MAMDC2: variants seen among roughly 807,000 people sequenced by gnomAD.
The protein encoded by MAMDC2 is MAM domain containing 2, also known as MAM domain-containing protein 2.
A neutral mutation model predicts 89.8 loss-of-function variants in MAMDC2; 57 were observed. The observed-to-expected ratio is 0.63, with a 90% confidence interval of 0.51 to 0.79. MAMDC2 has a LOEUF of 0.79. MAMDC2 is among the 30% of genes least tolerant of loss of function. The pLI is 0.00. For synonymous variants in MAMDC2, 313 were observed against 293.4 expected (o/e 1.07, Z -0.68); for missense variants, 800 against 820.6 (o/e 0.97, Z 0.31).
chr9:70,060,600 T>TA (rs1827127120), intron 2 of MAMDC2: 1 of 152,186 alleles, frequency 6.6e-6, no homozygotes, highest in African/African-American at 2.4e-5. Flanking sequence ...TTGACAAATC[T>TA]AGAAAGCAAT....
intron 8 of MAMDC2, among the ~76,000 whole-genome samples, chr9:70,143,281 T>G (rs1359948178): frequency 1.3e-5 from 2 of 152,228 alleles, no homozygotes; most frequent in African/African-American, 4.8e-5. Flanking sequence ...TCATGAAAAG[T>G]GTAAATCCTA....
intron 2 of MAMDC2, among the ~76,000 whole-genome samples, chr9:70,059,566 T>C (rs2118022866): frequency 6.6e-6 from 1 of 152,284 alleles, no homozygotes; most frequent in Non-Finnish European, 1.5e-5. Context: ...TCTTTCCTCA[T>C]TCATTCAGGT....
chr9:70,143,879 G>A, intron 9 of MAMDC2, 60 bp downstream of exon 9: 2 of 1,577,234 alleles, frequency 1.3e-6, no homozygotes, highest in South Asian at 2.3e-5. Context: ...TTTTGTGAAT[G>A]TCCGTCTAGC....
intron 12 of MAMDC2, among the ~76,000 whole-genome samples, chr9:70,224,958 CTTTT>C (rs2033620669): frequency 6.6e-6 from 1 of 151,926 alleles, no homozygotes; most frequent in African/African-American, 2.4e-5. Context: ...TAAGGTCTTT[CTTTT>C]TTATTTAAAT....
chr9:70,125,765 T>G (rs2030505876), intron 5 of MAMDC2, among the ~76,000 whole-genome samples: 1 of 152,246 alleles, frequency 6.6e-6, no homozygotes, highest in African/African-American at 2.4e-5. Context: ...TTCAGAGTCT[T>G]ATGACTCAAA....
At chr9:70,090,746 C>T (rs936735061) in intron 2 of MAMDC2, 1 of 152,088 alleles carries the variant, frequency 6.6e-6, no homozygotes, top group African/African-American at 2.4e-5. Context: ...AGTTCCCTTT[C>T]GAGGGTCTTC....
At chr9:70,082,119 G>A (rs550164858) in intron 2 of MAMDC2, 1 of 152,278 alleles carries the variant, frequency 6.6e-6, no homozygotes, top group East Asian at 1.9e-4. Context: ...ATGCATACAG[G>A]AATTTCCATC....
chr9:70,066,240 G>A (rs57995086), intron 2 of MAMDC2, among the ~76,000 whole-genome samples: 4 of 152,220 alleles, frequency 2.6e-5, no homozygotes, highest in Non-Finnish European at 4.4e-5. Context: ...CCAGGCAGAG[G>A]GGAAAGCAAG....
intron 9 of MAMDC2, among the ~76,000 whole-genome samples, chr9:70,146,784 A>T (rs2031417848): frequency 6.6e-6 from 1 of 151,014 alleles, no homozygotes; most frequent in South Asian, 2.1e-4. Context: ...AAAATACAAA[A>T]ATTAGCCAGG....
chr9:70,059,112 C>T (rs1827089288), intron 2 of MAMDC2, among the ~76,000 whole-genome samples: 1 of 152,116 alleles, frequency 6.6e-6, no homozygotes, highest in Non-Finnish European at 1.5e-5. Context: ...TATTTGCCTG[C>T]TTGGGTTTTG....
intron 2 of MAMDC2, among the ~76,000 whole-genome samples, chr9:70,054,273 A>G (rs899502200): frequency 6.6e-6 from 1 of 152,204 alleles, no homozygotes; most frequent in Non-Finnish European, 1.5e-5. Context: ...TAAAGTAATA[A>G]CAGCAGGAGG....
chr9:70,096,348 C>G (rs1927111), intron 2 of MAMDC2, among the ~76,000 whole-genome samples: 1 of 152,056 alleles, frequency 6.6e-6, no homozygotes, highest in African/African-American at 2.4e-5. Context: ...TAAGAAAGGC[C>G]CAGGCTAACT....
intron 10 of MAMDC2, 66 bp downstream of exon 10, chr9:70,168,861 G>A: frequency 7.7e-7 from 1 of 1,294,476 alleles, no homozygotes; most frequent in Non-Finnish European, 1.1e-6. Context: ...GTATCGCTGA[G>A]AATCACATAC....
intron 4 of MAMDC2, among the ~76,000 whole-genome samples, chr9:70,110,319 T>C (rs575453377): frequency 2.0e-5 from 3 of 152,328 alleles, no homozygotes; most frequent in Admixed American, 2.0e-4. Flanking sequence ...CTATGGTGGT[T>C]CAGTTCCTAT....
chr9:70,089,345 C>T (rs1178166307), intron 2 of MAMDC2: 6 of 152,160 alleles, frequency 3.9e-5, no homozygotes, highest in East Asian at 1.9e-4. Flanking sequence ...AAGCTTCATA[C>T]GTCATCCATT....
intron 11 of MAMDC2, among the ~76,000 whole-genome samples, chr9:70,211,392 ATTACC>A (rs1407460903): frequency 2.0e-5 from 3 of 152,084 alleles, no homozygotes; most frequent in African/African-American, 7.2e-5. Context: ...TCAATCACTG[ATTACC>A]TTTCTTCCAT....
intron 10 of MAMDC2, among the ~76,000 whole-genome samples, chr9:70,169,022 C>G (rs6560018): frequency 0.86 from 130,396 of 152,194 alleles, 56,103 homozygotes; most frequent in East Asian, 0.96. Flanking sequence ...ATTTGGAAGG[C>G]AACTAGTGGT....
intron 2 of MAMDC2, among the ~76,000 whole-genome samples, chr9:70,092,038 T>A (rs1827914202): frequency 6.6e-6 from 1 of 152,254 alleles, no homozygotes; most frequent in South Asian, 2.1e-4. Context: ...GGTAAATGAC[T>A]GGCAGGGTAG....
chr9:70,060,458 A>G (rs1312787196), intron 2 of MAMDC2: 1 of 152,206 alleles, frequency 6.6e-6, no homozygotes, highest in Non-Finnish European at 1.5e-5. Flanking sequence ...GTGAATAGAA[A>G]AAATGAATTT....
Sources: allele counts gnomAD v4.1 joint callset (sites outside exome capture counted in the v4.1 genomes callset), GRCh38; gene constraint gnomAD v4.1.1; transcripts MANE v1.5; gene names NCBI Gene and HGNC (gene_info 2026-07-23, HGNC 2026-07-21).